The following PIK3R3 variants were observed in gnomAD, a reference collection of about 807,000 sequenced individuals.
The protein encoded by PIK3R3 is phosphatidylinositol 3-kinase regulatory subunit gamma.
Under a neutral mutation model 62.9 loss-of-function variants are expected in PIK3R3, and 64 were observed. The observed-to-expected ratio is 1.02, with a 90% CI of 0.83 to 1.25. PIK3R3 has a LOEUF of 1.25. Ranked by LOEUF, PIK3R3 falls within the 50% of genes most tolerant of loss-of-function variation. PIK3R3 has a pLI of 0.00. For synonymous variants in PIK3R3, 165 were observed against 189.0 expected, an observed-to-expected ratio of 0.87 and a Z score of 1.04; for missense variants, 614 against 561.6, an observed-to-expected ratio of 1.09 and a Z score of -0.94.
the PIK3R3 span, among the ~76,000 whole-genome samples, chr1:46,152,266 C>T: frequency 7.6e-4 from 115 of 152,284 alleles, no homozygotes; most frequent in African/African-American, 2.6e-3. Flanking sequence ...GAGGTTCTGC[C>T]ATCACTTCTC....
upstream of PIK3R3, chr1:46,132,933 T>G (rs541079929): frequency 1.7e-6 from 2 of 1,163,154 alleles, no homozygotes; most frequent in South Asian, 1.6e-5. Flanking sequence ...ATCCGGGCGC[T>G]GGCCGCACTC....
intron 5 of PIK3R3, 22 bp downstream of exon 5, chr1:46,066,032 A>C (rs754107812): frequency 6.2e-7 from 1 of 1,601,230 alleles, no homozygotes; most frequent in Non-Finnish European, 8.6e-7. Flanking sequence ...CATATTAGTC[A>C]AAAACAACAT....
rs1655661342 is a variant in PIK3R3, at chr1:46,132,093, G to A, written c.-141C>T. The A allele has an allele frequency of 2.1e-6, 3 of 1,429,464 alleles. No homozygotes were observed. Among genetic ancestry groups the A allele is most frequent in the Non-Finnish European group, 2.7e-6 (3 of 1,095,586 alleles). 88.5% of individuals were successfully genotyped at this position (1,429,464 alleles called of 1,614,324 possible). ...GTTTTCCAACGGCCAGTACCAGTCC[G>A]GCCAAACTACCCGAACAGGGTCCTC... is the stretch of plus-strand genomic sequence containing the variant. On this transcript the variant is annotated 5_prime_UTR_variant, in exon 1 of 10. Coordinates refer to ENST00000262741, the MANE Select transcript of PIK3R3 (RefSeq NM_003629.4).
At chr1:46,161,090 A>G in the PIK3R3 span, among the ~76,000 whole-genome samples, 2 of 151,920 alleles carry the variant, frequency 1.3e-5, no homozygotes, top group Non-Finnish European at 1.5e-5. Context: ...GTAATGATTC[A>G]CTTATCAAAT....
At chr1:46,073,293 C>T (rs1649717555) in intron 3 of PIK3R3, among the ~76,000 whole-genome samples, 1 of 152,128 alleles carries the variant, frequency 6.6e-6, no homozygotes, top group Non-Finnish European at 1.5e-5. Flanking sequence ...TCCAGTTATT[C>T]CCATTGCATT....
At chr1:46,127,955 G>A (rs1655239658) in intron 1 of PIK3R3, among the ~76,000 whole-genome samples, 3 of 152,096 alleles carry the variant, frequency 2.0e-5, no homozygotes, top group Non-Finnish European at 4.4e-5. Context: ...ACTCCCATTT[G>A]GATTCAACTT....
chr1:46,146,407 T>C, the PIK3R3 span, among the ~76,000 whole-genome samples: 5 of 152,184 alleles, frequency 3.3e-5, no homozygotes, highest in Admixed American at 6.5e-5. Flanking sequence ...TTGAACTTAA[T>C]AGGCAGCCAC....
chr1:46,051,594 CTA>C (rs1260228665), intron 7 of PIK3R3, among the ~76,000 whole-genome samples: 3 of 151,918 alleles, frequency 2.0e-5, no homozygotes, highest in African/African-American at 7.2e-5. Context: ...GCAAACTCCC[CTA>C]TATATATATT....
At position 46,131,943 on chromosome 1, in the gene PIK3R3, T is replaced by C. The variant is rs760696264; in HGVS notation, c.10A>G (p.Thr4Ala). 1 of 1,613,940 alleles carries C rather than the reference T, an allele frequency of 6.2e-7. No homozygotes were observed. The highest frequency in any genetic ancestry group is 8.5e-7 in the Non-Finnish European group (1 of 1,179,904). MYN[T>A]VWSMDRDDAD... ...TCATCGCGGTCCATACTCCACACCG[T>C]ATTGTACATCGCGCTGTCAGGGGCA... is the stretch of plus-strand genomic sequence containing the variant. The change falls in exon 1 of 10, where the codon ACG becomes GCG. Residue 4 changes from threonine (T) to alanine (A), a missense_variant. Physicochemically the swap from Thr to Ala is moderately conservative, Grantham distance 58. Coordinates refer to ENST00000262741, the MANE Select transcript of PIK3R3 (RefSeq NM_003629.4).
chr1:46,050,910 T>G (rs999556674), intron 7 of PIK3R3, among the ~76,000 whole-genome samples: 2 of 152,224 alleles, frequency 1.3e-5, no homozygotes, highest in Admixed American at 1.3e-4. Flanking sequence ...AGACAAACTT[T>G]GAAAACACCA....
chr1:46,079,497 A>G (rs1650378210), intron 2 of PIK3R3, among the ~76,000 whole-genome samples: 1 of 152,182 alleles, frequency 6.6e-6, no homozygotes, highest in African/African-American at 2.4e-5. Context: ...GCATGCAAAG[A>G]CTTTGGAACC....
At chr1:46,165,895 C>G in the PIK3R3 span, among the ~76,000 whole-genome samples, 11 of 150,158 alleles carry the variant, frequency 7.3e-5, no homozygotes, top group African/African-American at 2.2e-4. Context: ...CTCAGCCTCC[C>G]GAGTAGCTGG....
chr1:46,143,848 A>G, the PIK3R3 span, among the ~76,000 whole-genome samples: 3 of 152,162 alleles, frequency 2.0e-5, no homozygotes, highest in Non-Finnish European at 4.4e-5. Context: ...TTTGAAATAC[A>G]TAATACTTGC....
chr1:46,162,120 T>C, the PIK3R3 span, among the ~76,000 whole-genome samples: 1 of 147,536 alleles, frequency 6.8e-6, no homozygotes, highest in Non-Finnish European at 1.5e-5. Context: ...ATTTTCTTCA[T>C]AGTATTTTTA....
At chr1:46,096,344 T>C (rs988499244) in intron 1 of PIK3R3, among the ~76,000 whole-genome samples, 2 of 152,194 alleles carry the variant, frequency 1.3e-5, no homozygotes, top group African/African-American at 2.4e-5. Context: ...ATCTGGTCCA[T>C]TTATCTGTAA....
At chr1:46,120,349 G>A (rs1219727738) in intron 1 of PIK3R3, among the ~76,000 whole-genome samples, 2 of 152,168 alleles carry the variant, frequency 1.3e-5, no homozygotes, top group African/African-American at 2.4e-5. Context: ...AGGCCAAGGT[G>A]GGTGGATCAC....
Position 46,043,208 on chromosome 1 carries a change from C to T in PIK3R3, c.*465G>A, listed in dbSNP as rs1429112986. The T allele has an allele frequency of 4.3e-6, 1 of 232,626 alleles. No homozygotes were observed. Among genetic ancestry groups the T allele is most frequent in the Non-Finnish European group, 8.5e-6 (1 of 117,568 alleles). 14.4% of individuals were successfully genotyped at this position (232,626 alleles called of 1,614,324 possible). A position where few individuals can be genotyped will look rare whatever the true frequency, so the allele number is the denominator to read the frequency against. On this transcript the variant is annotated 3_prime_UTR_variant, in exon 10 of 10. Transcript: ENST00000262741. ...TTTTTCATCAAATCCCATTCTATCA[C>T]AAAACCTAAACAGCCTTCTTCGTGG...
At chr1:46,111,411 G>C (rs572878600) in intron 1 of PIK3R3, among the ~76,000 whole-genome samples, 1 of 152,092 alleles carries the variant, frequency 6.6e-6, no homozygotes, top group South Asian at 2.1e-4. Flanking sequence ...CTGGGGGTAA[G>C]AAGGGGAATA....
At chr1:46,171,900 C>T in the PIK3R3 span, among the ~76,000 whole-genome samples, 15 of 152,262 alleles carry the variant, frequency 9.9e-5, no homozygotes, top group East Asian at 9.7e-4. Context: ...AGTAATACTC[C>T]CCCAACTAGC....
Sources: allele counts gnomAD v4.1 joint callset (sites outside exome capture counted in the v4.1 genomes callset), GRCh38; gene constraint gnomAD v4.1.1; transcripts MANE v1.5; gene names NCBI Gene and HGNC (gene_info 2026-07-23, HGNC 2026-07-21).